The following DISP3 variants were observed in gnomAD, a reference collection of about 807,000 sequenced individuals.
DISP3 encodes the protein dispatched RND transporter family member 3.
In DISP3, 101 loss-of-function variants were observed where a neutral mutation model predicts 135.3. The observed-to-expected ratio is 0.75, with a 90% CI of 0.64 to 0.88. The LOEUF (loss-of-function observed/expected upper bound fraction) is 0.88, where lower values mean the gene tolerates loss of function less well. DISP3 is among the 40% of genes least tolerant of loss of function. DISP3 has a pLI of 0.00. For synonymous variants in DISP3, 856 were observed against 817.0 expected, an observed-to-expected ratio of 1.05 and a Z score of -0.81; for missense variants, 1,713 against 1,878.6, an observed-to-expected ratio of 0.91 and a Z score of 1.63.
Position 11,534,994 on chromosome 1 carries a change from C to T in DISP3, c.3536-17C>T, listed in dbSNP as rs1386312165. The T allele has an allele frequency of 6.4e-7, 1 of 1,559,768 alleles. No individual in the cohort carries two copies. Among genetic ancestry groups the T allele is most frequent in the South Asian group, 1.2e-5 (1 of 85,292 alleles). On this transcript the variant is annotated splice_polypyrimidine_tract_variant and intron_variant, in intron 18 of 20. Coordinates refer to ENST00000294484, the MANE Select transcript of DISP3 (RefSeq NM_020780.2). Reference sequence around the variant, plus strand: ...CGCCCACACAGCAGCGCACTGAGGCCCTGTCCTCCCTTGCAGGGGTGCAGA... The same window carrying T: ...CGCCCACACAGCAGCGCACTGAGGCTCTGTCCTCCCTTGCAGGGGTGCAGA...
intron 11 of DISP3, 121 bp from the exon 12 acceptor site, chr1:11,525,055 G>T: frequency 1.6e-6 from 2 of 1,251,780 alleles, no homozygotes; most frequent in Non-Finnish European, 1.1e-6. Flanking sequence ...AGCATTTTGA[G>T]ATGAGCCCAA....
intron 1 of DISP3, among the ~76,000 whole-genome samples, chr1:11,496,227 CTCTTT>C (rs916197908): frequency 6.6e-6 from 1 of 151,996 alleles, no homozygotes; most frequent in African/African-American, 2.4e-5. Context: ...AGGGCCTGTT[CTCTTT>C]TAAGCAGCTG....
At chr1:11,481,916 A>G (rs946479153) in intron 1 of DISP3, 1 of 152,236 alleles carries the variant, frequency 6.6e-6, no homozygotes, top group African/African-American at 2.4e-5. Flanking sequence ...TCTTGAGGTC[A>G]TACTGCTGAA....
rs1400438651 is a variant in DISP3 at position 11,519,937 on chromosome 1, A to G, written c.2200+57A>G. The G allele has an allele frequency of 1.3e-6, 2 of 1,523,912 alleles. No individual in the cohort carries two copies. The highest frequency in any genetic ancestry group is 1.4e-5 in the African/African-American group (1 of 72,728). 94.4% of individuals were successfully genotyped at this position (1,523,912 alleles called of 1,614,324 possible). A position where few individuals can be genotyped will look rare whatever the true frequency, so the allele number is the denominator to read the frequency against. On this transcript the variant is annotated intron_variant, in intron 9 of 20. Transcript: ENST00000294484. The surrounding 1 kb of genome is among the most constrained non-coding windows in gnomAD (Gnocchi z 4.3). ...TCACAGCTCCACCCCCAAAACACAC[A>G]GGAACTGGGAGCCCACCCCCTCTCG...
intron 1 of DISP3, among the ~76,000 whole-genome samples, chr1:11,480,035 G>A (rs770551826): frequency 2.5e-4 from 38 of 152,196 alleles, no homozygotes; most frequent in Non-Finnish European, 5.0e-4. Context: ...GGCGCTGAGG[G>A]TCGGGAAAGA....
Position 11,501,589 on chromosome 1 carries a change from G to A in DISP3, c.597G>A (p.Arg199=). 1 of 1,598,026 alleles carries A rather than the reference G, an allele frequency of 6.3e-7. No homozygotes were observed. The highest frequency in any genetic ancestry group is 1.1e-5 in the South Asian group (1 of 89,320). Residue 199 remains arginine (R), a synonymous_variant, in exon 2 of 21, where the codon CGG becomes CGA. Transcript: ENST00000294484. The surrounding 1 kb of genome is among the most constrained non-coding windows in gnomAD (Gnocchi z 4.9). ...CGGCTCAAAAGCCCACAGCCAATCGGAGCGGGCGACTTCGGCGTGAGACCC... is the reference window on the plus strand; with the variant it reads ...CGGCTCAAAAGCCCACAGCCAATCGAAGCGGGCGACTTCGGCGTGAGACCC... ...TSAAQKPTAN[R]SGRLRRETPP...
chr1:11,504,819 A>T (rs1282995755), intron 3 of DISP3, among the ~76,000 whole-genome samples: 1 of 152,136 alleles, frequency 6.6e-6, no homozygotes, highest in Non-Finnish European at 1.5e-5. Context: ...AACTAAATAA[A>T]CCTCTTTTCT....
chr1:11,522,945 AGAGCCCAACC>A (rs1642286390), intron 10 of DISP3, among the ~76,000 whole-genome samples: 3 of 138,228 alleles, frequency 2.2e-5, no homozygotes, highest in African/African-American at 5.4e-5. Context: ...GGACCCAGCC[AGAGCCCAACC>A]AGGACCCAGC....
At chr1:11,488,678 C>T (rs1176258646) in intron 1 of DISP3, among the ~76,000 whole-genome samples, 1 of 151,406 alleles carries the variant, frequency 6.6e-6, no homozygotes, top group Non-Finnish European at 1.5e-5. Context: ...TTTGCAGACA[C>T]GTGCGTGCAT....
Position 11,526,656 on chromosome 1 carries a change from T to C in DISP3, c.2619T>C (p.Tyr873=), listed in dbSNP as rs1447426531. The C allele has an allele frequency of 5.6e-6, 9 of 1,613,824 alleles. No individual in the cohort carries two copies. The highest frequency in any genetic ancestry group is 7.6e-6 in the Non-Finnish European group (9 of 1,179,712). Residue 873 remains tyrosine (Y), a synonymous_variant, in exon 13 of 21, where the codon TAT becomes TAC. Coordinates refer to ENST00000294484, the MANE Select transcript of DISP3 (RefSeq NM_020780.2). ...GDGEVPSFQV[Y]RAPFGNFTKK... ...TCTGTCAACCCACTGCTTAGGTGTA[T>C]AGAGCGCCTTTTGGTAACTTCACCA...
At position 11,520,865 on chromosome 1, in the gene DISP3, G is replaced by C. The variant is rs1475728055; in HGVS notation, c.2362+17G>C. The C allele has an allele frequency of 6.3e-7, 1 of 1,576,836 alleles. No homozygotes were observed. Among genetic ancestry groups the C allele is most frequent in the Non-Finnish European group, 8.6e-7 (1 of 1,160,670 alleles). ...CCTGTTCAGGTGAGGCTTCTAGCCA[G>C]GCTGTCCCTGGCCCGCTCAGGTGTC... On this transcript the variant is annotated intron_variant, in intron 10 of 20. Coordinates refer to ENST00000294484, the MANE Select transcript of DISP3 (RefSeq NM_020780.2). This position sits in a 1 kb window ranked among gnomAD's most constrained non-coding sequence, Gnocchi z 4.8.
chr1:11,537,233 C>G lies in DISP3; in HGVS notation c.*547C>G, dbSNP rs1642733703. 6.5e-6 allele frequency: 1 copy of G among 154,256 alleles called. No individual in the cohort carries two copies. Among genetic ancestry groups the G allele is most frequent in the Middle Eastern group, 3.1e-3 (1 of 318 alleles). 9.6% of individuals were successfully genotyped at this position (154,256 alleles called of 1,614,324 possible). A position where few individuals can be genotyped will look rare whatever the true frequency, so the allele number is the denominator to read the frequency against. On this transcript the variant is annotated 3_prime_UTR_variant, in exon 21 of 21. Transcript: ENST00000294484. The stretch of plus-strand genomic sequence containing the variant: ...CCCCTAACCCCGCCCCCCCGCAACC[C>G]TCCCCTTCAGCTTTACGGCGGCCAG...
chr1:11,535,789 A>C, intron 20 of DISP3, 145 bp downstream of exon 20: 1 of 1,113,910 alleles, frequency 9.0e-7, no homozygotes, highest in Non-Finnish European at 1.2e-6. Flanking sequence ...AGGTTTCCCA[A>C]AGCTGATCCC....
chr1:11,501,355 T>C lies in DISP3; in HGVS notation c.363T>C (p.Ala121=). ...RNHEASQRFD[A]LTLALKSQFG... ...ACGAGGCCTCACAGCGTTTCGACGC[T>C]CTCACTCTGGCGCTTAAGTCCCAGT... Residue 121 remains alanine, a synonymous_variant, in exon 2 of 21, where the codon GCT becomes GCC. Coordinates refer to ENST00000294484, the MANE Select transcript of DISP3 (RefSeq NM_020780.2). This position sits in a 1 kb window ranked among gnomAD's most constrained non-coding sequence, Gnocchi z 4.9. 1 of 1,612,896 alleles carries C rather than the reference T, an allele frequency of 6.2e-7. No homozygotes were observed. Among genetic ancestry groups the C allele is most frequent in the Non-Finnish European group, 8.5e-7 (1 of 1,179,608 alleles).
chr1:11,508,504 G>A (rs1417037282), intron 3 of DISP3, among the ~76,000 whole-genome samples: 6 of 151,946 alleles, frequency 3.9e-5, no homozygotes, highest in Non-Finnish European at 8.8e-5. Context: ...TGTAGAAATT[G>A]TAGTGGTGTC....
At position 11,480,677 on chromosome 1, in the gene DISP3, G is replaced by GCACACACA. The variant is rs70983561; in HGVS notation, c.-4+1335_-4+1342dup. On this transcript the variant is annotated intron_variant, in intron 1 of 20. Coordinates refer to ENST00000294484, the MANE Select transcript of DISP3 (RefSeq NM_020780.2). ...ACACTTCCACCCCCAGCGCGCGCGT[G>GCACACACA]CACACACACACACACACACACACAC... 4.5e-3 allele frequency among the ~76,000 whole-genome samples: 636 copies of GCACACACA among 142,748 alleles called. 4 individuals carry two copies. The highest frequency in any genetic ancestry group is 9.3e-3 in the African/African-American group (358 of 38,382). The allele number at this position is 142,748 out of a possible 152,430, so 93.6% of individuals were successfully genotyped here. A position where few individuals can be genotyped will look rare whatever the true frequency, so the allele number is the denominator to read the frequency against.
At chr1:11,525,798 GT>G (rs1327793998) in intron 12 of DISP3, among the ~76,000 whole-genome samples, 1 of 151,974 alleles carries the variant, frequency 6.6e-6, no homozygotes, top group Non-Finnish European at 1.5e-5. Flanking sequence ...AGTCATTTGT[GT>G]TTCTTTTCTT....
At chr1:11,508,409 C>A (rs1342050629) in intron 3 of DISP3, among the ~76,000 whole-genome samples, 1 of 151,048 alleles carries the variant, frequency 6.6e-6, no homozygotes, top group Non-Finnish European at 1.5e-5. Flanking sequence ...CAGAGCAAGA[C>A]CCTGTCTCTT....
intron 1 of DISP3, among the ~76,000 whole-genome samples, chr1:11,498,508 CT>C (rs1489825770): frequency 4.6e-5 from 7 of 152,126 alleles, no homozygotes; most frequent in Non-Finnish European, 7.4e-5. Context: ...CTGCATCTTC[CT>C]TTATTTCCTA....
Sources: allele counts gnomAD v4.1 joint callset (sites outside exome capture counted in the v4.1 genomes callset), GRCh38; gene constraint gnomAD v4.1.1; non-coding constraint Gnocchi (gnomAD v3.1); transcripts MANE v1.5; gene names NCBI Gene and HGNC (gene_info 2026-07-23, HGNC 2026-07-21).